RALGPS2: variants seen among roughly 807,000 people sequenced by gnomAD.
The protein encoded by RALGPS2 is ras-specific guanine nucleotide-releasing factor RalGPS2.
In RALGPS2, 43 loss-of-function variants were observed where a neutral mutation model predicts 86.8. That is an observed-to-expected ratio of 0.50 (90% confidence interval 0.39 to 0.64). The LOEUF is 0.64. Among genes scored for constraint, RALGPS2 ranks in the 30% least tolerant of loss-of-function variants. The pLI, the probability that RALGPS2 is intolerant of heterozygous loss-of-function variation, is 0.00. For synonymous variants in RALGPS2, 243 were observed against 231.3 expected (o/e 1.05, Z -0.46); for missense variants, 536 against 694.6 (o/e 0.77, Z 2.57).
intron 1 of RALGPS2, among the ~76,000 whole-genome samples, chr1:178,775,969 C>T (rs939819338): frequency 6.8e-6 from 1 of 148,086 alleles, no homozygotes; most frequent in Non-Finnish European, 1.5e-5. Context: ...CATGTACAGA[C>T]TTTTCCTTGC....
At chr1:178,870,357 T>C (rs1365408129) in intron 8 of RALGPS2, among the ~76,000 whole-genome samples, 2 of 152,194 alleles carry the variant, frequency 1.3e-5, no homozygotes, top group Admixed American at 6.6e-5. Context: ...AAACTAATTG[T>C]GTTCACGACT....
In RALGPS2 at chr1:178,784,494, T is replaced by C; in HGVS notation, c.134T>C (p.Val45Ala). 1 of 1,602,110 alleles carries C rather than the reference T, an allele frequency of 6.2e-7. No individual in the cohort carries two copies. Among genetic ancestry groups the C allele is most frequent in the Non-Finnish European group, 8.5e-7 (1 of 1,172,218 alleles). ...AGCTTTGATGCTGTGGTATTCGATG[T>C]TCTTAAGGTTACACCAGAAGAATAT... ...KKSFDAVVFDVLKVTPEEYAG... is the reference protein window; with the variant it reads ...KKSFDAVVFDALKVTPEEYAG... Residue 45 changes from valine (V) to alanine (A), a missense_variant, in exon 3 of 20, where the codon GTT (valine) becomes GCT (alanine). Physicochemically the swap from Val to Ala is moderately conservative, Grantham distance 64 (BLOSUM62 0). Around this residue, in one of 3 missense-constraint regions of RALGPS2, gnomAD observed 184 missense variants for 296.7 expected, o/e 0.62. Coordinates refer to ENST00000367635, the MANE Select transcript of RALGPS2 (RefSeq NM_152663.5).
intron 18 of RALGPS2, among the ~76,000 whole-genome samples, chr1:178,905,461 A>T (rs1182908004): frequency 6.6e-6 from 1 of 152,086 alleles, no homozygotes; most frequent in Non-Finnish European, 1.5e-5. Flanking sequence ...ACATTGACCT[A>T]ATGTCTGTGT....
chr1:178,752,476 T>C (rs1322559453), intron 1 of RALGPS2, among the ~76,000 whole-genome samples: 4 of 152,124 alleles, frequency 2.6e-5, no homozygotes, highest in African/African-American at 7.2e-5. Flanking sequence ...GTAGCTTTTG[T>C]TGCCAGCACT....
intron 2 of RALGPS2, among the ~76,000 whole-genome samples, chr1:178,778,805 A>C (rs910662527): frequency 6.6e-6 from 1 of 151,686 alleles, no homozygotes; most frequent in Non-Finnish European, 1.5e-5. Context: ...CAAAAAACCA[A>C]ACACCGCATA....
At chr1:178,796,500 C>T (rs374803448) in intron 4 of RALGPS2, among the ~76,000 whole-genome samples, 21 of 152,222 alleles carry the variant, frequency 1.4e-4, no homozygotes, top group East Asian at 9.6e-4. Flanking sequence ...TTAGGATCTC[C>T]CAGCCCCATT....
intron 1 of RALGPS2, among the ~76,000 whole-genome samples, chr1:178,728,402 C>CT (rs67007360): frequency 0.9 from 116,669 of 129,540 alleles, 52,750 homozygotes; most frequent in East Asian, 0.96. Flanking sequence ...CGAAAGTATG[C>CT]TTTTTTTTTT....
chr1:178,820,739 T>TA (rs1483627473), intron 6 of RALGPS2, among the ~76,000 whole-genome samples: 1 of 152,216 alleles, frequency 6.6e-6, no homozygotes, highest in African/African-American at 2.4e-5. Context: ...ATGCTTAAAA[T>TA]ACATTCATTG....
At chr1:178,831,962 C>T (rs975822607) in intron 7 of RALGPS2, among the ~76,000 whole-genome samples, 1 of 152,056 alleles carries the variant, frequency 6.6e-6, no homozygotes, top group African/African-American at 2.4e-5. Flanking sequence ...AGATTAGTTA[C>T]GAGTTCTAAG....
intron 1 of RALGPS2, among the ~76,000 whole-genome samples, chr1:178,756,749 G>GTA (rs1651975425): frequency 6.6e-6 from 1 of 152,162 alleles, no homozygotes; most frequent in East Asian, 1.9e-4. Context: ...GCTTTGAGCA[G>GTA]TGTGGCCATT....
At chr1:178,782,705 A>T (rs1653451956) in intron 2 of RALGPS2, among the ~76,000 whole-genome samples, 1 of 151,866 alleles carries the variant, frequency 6.6e-6, no homozygotes, top group Non-Finnish European at 1.5e-5. Context: ...GGGCTCCTGT[A>T]TAATACTAAG....
rs577437245 is a variant in RALGPS2, at chr1:178,789,216, T to C, written c.213+3609T>C. On this transcript the variant is annotated intron_variant, in intron 4 of 19. Coordinates refer to ENST00000367635, the MANE Select transcript of RALGPS2 (RefSeq NM_152663.5). ...GCCACTGTGCCCGGCCTTAAGCAGC[T>C]CTTTGATACTGCTGACTAGGATATG... is the stretch of plus-strand genomic sequence containing the variant. Among the ~76,000 whole-genome samples, 3 of 152,284 alleles carry C rather than the reference T, an allele frequency of 2.0e-5. No homozygotes were observed. In the East Asian group the frequency reaches 5.8e-4, roughly 29 times the overall value.
At chr1:178,808,353 T>A (rs1417304171) in intron 5 of RALGPS2, among the ~76,000 whole-genome samples, 1 of 152,188 alleles carries the variant, frequency 6.6e-6, no homozygotes, top group Non-Finnish European at 1.5e-5. Flanking sequence ...ACATATTTTC[T>A]CTCTGTTTTT....
At chr1:178,748,148 T>C (rs111357055) in intron 1 of RALGPS2, among the ~76,000 whole-genome samples, 1,904 of 150,850 alleles carry the variant, frequency 0.013, 42 homozygotes, top group South Asian at 0.081. Context: ...GGTGAAACCC[T>C]GTCTCTGCTA....
At chr1:178,782,378 A>G (rs975941851) in intron 2 of RALGPS2, among the ~76,000 whole-genome samples, 1 of 152,162 alleles carries the variant, frequency 6.6e-6, no homozygotes, top group Non-Finnish European at 1.5e-5. Context: ...AGAAGCAGCC[A>G]TTTTGAAATA....
At position 178,808,128 on chromosome 1, in the gene RALGPS2, T is replaced by C. The variant is rs1240584500; in HGVS notation, c.297T>C (p.His99=). 1.9e-5 allele frequency: 30 copies of C among 1,588,762 alleles called. No homozygotes were observed. The highest frequency in any genetic ancestry group is 2.6e-5 in the Non-Finnish European group (30 of 1,158,420). Residue 99 remains histidine (H), a splice_region_variant and synonymous_variant, in exon 5 of 20, where the codon CAT becomes CAC. Transcript: ENST00000367635. ...TTGCCTTCACAAGAAGATTCAATCA[T>C]GTGAGTTTATAAATTTTGATACTGT... ...NAVAFTRRFN[H]VSFWVVREIL...
chr1:178,790,180 A>G (rs1653883605), intron 4 of RALGPS2, among the ~76,000 whole-genome samples: 1 of 151,932 alleles, frequency 6.6e-6, no homozygotes, highest in Non-Finnish European at 1.5e-5. Context: ...TCAAACTCCA[A>G]GGCTCGAGTG....
intron 1 of RALGPS2, among the ~76,000 whole-genome samples, chr1:178,771,988 C>G (rs1442042977): frequency 1.3e-5 from 2 of 152,078 alleles, no homozygotes; most frequent in Non-Finnish European, 2.9e-5. Context: ...GTGGCTGTCC[C>G]CTAGGGGTTA....
chr1:178,818,165 A>G (rs1221137585), intron 6 of RALGPS2, among the ~76,000 whole-genome samples: 3 of 152,132 alleles, frequency 2.0e-5, no homozygotes, highest in Non-Finnish European at 4.4e-5. Context: ...GTTTGAGACC[A>G]GCTGGTCAAC....
Sources: gnomAD v4.1 joint callset for allele counts (sites outside exome capture counted in the v4.1 genomes callset) on GRCh38, gnomAD v4.1.1 for gene constraint, gnomAD v4.1.1 regional missense constraint, MANE v1.5 for transcripts, NCBI Gene and HGNC (gene_info 2026-07-23, HGNC 2026-07-21) for gene names.